The following LRRC27 variants were observed in gnomAD, a reference collection of about 807,000 sequenced individuals.
LRRC27 encodes leucine-rich repeat-containing protein 27.
Under a neutral mutation model 55.0 loss-of-function variants are expected in LRRC27, and 57 were observed. That is an observed-to-expected ratio of 1.04 (90% CI 0.84 to 1.29). LRRC27 has a LOEUF of 1.29. Ranked by LOEUF, LRRC27 falls within the 50% of genes most tolerant of loss-of-function variation. The probability of loss-of-function intolerance (pLI) is 0.00; values close to 1 mark genes in which losing one functional copy is unlikely to be tolerated. For missense variants in LRRC27, 721 were observed against 651.5 expected (o/e 1.11, Z -1.16); for synonymous variants, 278 against 251.9 (o/e 1.10, Z -0.98).
rs549389254 is a variant in LRRC27 at position 132,354,478 on chromosome 10, G to A, written c.1074-1312G>A. Among the ~76,000 whole-genome samples, 242 of 152,294 alleles carry A rather than the reference G, an allele frequency of 1.6e-3. 1 individual carries two copies. The highest frequency in any genetic ancestry group is 1.4e-3 in the Non-Finnish European group (96 of 68,018). On this transcript the variant is annotated intron_variant, in intron 7 of 10. Coordinates refer to ENST00000368614, the MANE Select transcript of LRRC27 (RefSeq NM_030626.3). Reference sequence around the variant, plus strand: ...CACATGGTGCTAAGTGGGGACACGGGGGGCACCACCCTGGCTGGGGCTGGG... The same window carrying A: ...CACATGGTGCTAAGTGGGGACACGGAGGGCACCACCCTGGCTGGGGCTGGG...
intron 3 of LRRC27, among the ~76,000 whole-genome samples, chr10:132,338,531 C>T (rs1036460508): frequency 6.6e-6 from 1 of 152,010 alleles, no homozygotes; most frequent in African/African-American, 2.4e-5. Flanking sequence ...ATGGTGGAAA[C>T]GTCACACCTC....
At chr10:132,353,535 T>C in intron 7 of LRRC27, 6 of 602,046 alleles carry the variant, frequency 1.0e-5, no homozygotes, top group Non-Finnish European at 1.3e-5. Flanking sequence ...ATTAAAAAGA[T>C]GAATGAGGTG....
chr10:132,339,953 C>A (rs1229296742), intron 3 of LRRC27, among the ~76,000 whole-genome samples: 1 of 152,198 alleles, frequency 6.6e-6, no homozygotes, highest in Admixed American at 6.5e-5. Flanking sequence ...CAAATTAGAT[C>A]AACTACAGAG....
At position 132,372,623 on chromosome 10, in the gene LRRC27, C is replaced by T. The variant is rs1441247510; in HGVS notation, c.1417-2443C>T. The stretch of plus-strand genomic sequence containing the variant: ...AGGTCACGCCAGGGCCCTGGGTCTG[C>T]TTCCCTACTCTGCCCAGCCCACTGA... On this transcript the variant is annotated intron_variant, in intron 10 of 10. Coordinates refer to ENST00000368614, the MANE Select transcript of LRRC27 (RefSeq NM_030626.3). This position sits in a 1 kb window ranked among gnomAD's most constrained non-coding sequence, Gnocchi z 4.0. 1.3e-5 allele frequency among the ~76,000 whole-genome samples: 2 copies of T among 152,152 alleles called. No individual in the cohort carries two copies. The highest frequency in any genetic ancestry group is 2.4e-5 in the African/African-American group (1 of 41,420).
upstream of LRRC27, among the ~76,000 whole-genome samples, chr10:132,330,800 G>A (rs1447835037): frequency 2.0e-5 from 3 of 150,912 alleles, no homozygotes; most frequent in Non-Finnish European, 4.4e-5. Flanking sequence ...GTGAGCCATC[G>A]TGTCCGGCCT....
At chr10:132,332,868 G>A (rs1412785455) in intron 1 of LRRC27, among the ~76,000 whole-genome samples, 1 of 152,152 alleles carries the variant, frequency 6.6e-6, no homozygotes, top group Non-Finnish European at 1.5e-5. Flanking sequence ...TAAATTGTTT[G>A]GAAATTGCAA....
intron 3 of LRRC27, among the ~76,000 whole-genome samples, chr10:132,340,263 G>A (rs575828889): frequency 9.9e-5 from 15 of 152,116 alleles, no homozygotes; most frequent in South Asian, 2.1e-4. Context: ...TCAATTTATC[G>A]TTTAAAGTGT....
rs1484276869 is a variant in LRRC27 at position 132,374,101 on chromosome 10, G to A, written c.1417-965G>A. Among the ~76,000 whole-genome samples the A allele has an allele frequency of 2.2e-5, 3 of 136,112 alleles. No individual in the cohort carries two copies. The highest frequency in any genetic ancestry group is 1.5e-4 in the Admixed American group (2 of 13,790). 89.3% of individuals were successfully genotyped at this position (136,112 alleles called of 152,430 possible). A position where few individuals can be genotyped will look rare whatever the true frequency, so the allele number is the denominator to read the frequency against. On this transcript the variant is annotated intron_variant, in intron 10 of 10. Coordinates refer to ENST00000368614, the MANE Select transcript of LRRC27 (RefSeq NM_030626.3). This position sits in a 1 kb window ranked among gnomAD's most constrained non-coding sequence, Gnocchi z 4.4. ...TGTTGTGATATGGCTGCATGGTGAG[G>A]GGGTGCAGTGGCTCCAGGGACCTGC...
chr10:132,354,389 G>C (rs1434648485), intron 7 of LRRC27, among the ~76,000 whole-genome samples: 2 of 152,196 alleles, frequency 1.3e-5, no homozygotes, highest in African/African-American at 4.8e-5. Flanking sequence ...TTCCCAAGGT[G>C]TGACCAGAAG....
At chr10:132,356,155 G>A (rs1329436838) in intron 8 of LRRC27, among the ~76,000 whole-genome samples, 1 of 152,238 alleles carries the variant, frequency 6.6e-6, no homozygotes, top group Non-Finnish European at 1.5e-5. Context: ...CCAGCCTTGA[G>A]GGCTTGCCTC....
intron 8 of LRRC27, among the ~76,000 whole-genome samples, chr10:132,356,852 G>C (rs2068334839): frequency 6.6e-6 from 1 of 152,276 alleles, no homozygotes; most frequent in Non-Finnish European, 1.5e-5. Context: ...CAAATGTGCT[G>C]TTGAATTTGG....
chr10:132,336,637 C>A (rs1308007580), intron 2 of LRRC27: 1 of 645,186 alleles, frequency 1.5e-6, no homozygotes, highest in Non-Finnish European at 2.8e-6. Flanking sequence ...TAGTGCTTGC[C>A]CACATTGCCC....
chr10:132,360,612 A>G (rs2068568934), intron 8 of LRRC27, among the ~76,000 whole-genome samples: 1 of 152,148 alleles, frequency 6.6e-6, no homozygotes, highest in Non-Finnish European at 1.5e-5. Context: ...TGGTTGCCGA[A>G]CACTTTCTAA....
chr10:132,337,166 G>A, intron 2 of LRRC27: 1 of 1,180,640 alleles, frequency 8.5e-7, no homozygotes, highest in African/African-American at 1.6e-5. Flanking sequence ...CTGGCTATTT[G>A]CTCAGTAAGC....
At chr10:132,364,696 C>T (rs548625844) in intron 9 of LRRC27, among the ~76,000 whole-genome samples, 4 of 20,020 alleles carry the variant, frequency 2.0e-4, no homozygotes, top group South Asian at 3.9e-3. Context: ...ACGTCCACAC[C>T]GTGGGGCCCC....
At chr10:132,333,858 T>C (rs2066973167) in intron 2 of LRRC27, 124 bp downstream of exon 2, 2 of 750,180 alleles carry the variant, frequency 2.7e-6, no homozygotes, top group Admixed American at 3.0e-5. Flanking sequence ...TAAAATTAAA[T>C]AGAGGAAAGG....
chr10:132,373,021 A>G (rs1160880449), intron 10 of LRRC27, among the ~76,000 whole-genome samples: 1 of 152,168 alleles, frequency 6.6e-6, no homozygotes, highest in Non-Finnish European at 1.5e-5. Flanking sequence ...GGATGCGAAC[A>G]TTAGGGGACA....
At chr10:132,336,853 T>C (rs1423016780) in intron 2 of LRRC27, 1 of 738,624 alleles carries the variant, frequency 1.4e-6, no homozygotes, top group Non-Finnish European at 2.5e-6. Context: ...CTAGCAGCAT[T>C]AATGACAGTA....
chr10:132,357,751 G>C (rs552219891), intron 8 of LRRC27, among the ~76,000 whole-genome samples: 8 of 152,318 alleles, frequency 5.3e-5, no homozygotes, highest in African/African-American at 1.9e-4. Flanking sequence ...GAAAAACATA[G>C]GTTTTCTAGA....
Sources: gnomAD v4.1 joint callset for allele counts (sites outside exome capture counted in the v4.1 genomes callset) on GRCh38, gnomAD v4.1.1 for gene constraint, Gnocchi (gnomAD v3.1) non-coding constraint, MANE v1.5 for transcripts, NCBI Gene and HGNC (gene_info 2026-07-23, HGNC 2026-07-21) for gene names.